NCEH1: variants seen among roughly 807,000 people sequenced by gnomAD.
The protein encoded by NCEH1 is 2-acetyl MAGE hydrolase.
In NCEH1, 9 loss-of-function variants were observed where a neutral mutation model predicts 25.4. The observed-to-expected ratio is 0.35, with a 90% CI of 0.21 to 0.62. NCEH1 has a LOEUF of 0.62. Among genes scored for constraint, NCEH1 ranks in the 20% least tolerant of loss-of-function variants. NCEH1 has a pLI of 0.72. For synonymous variants in NCEH1, 200 were observed against 199.8 expected, an observed-to-expected ratio of 1.00 and a Z score of -0.01; for missense variants, 412 against 501.1, an observed-to-expected ratio of 0.82 and a Z score of 1.70.
chr3:172,711,004 C>T lies in NCEH1; in HGVS notation c.-20G>A. On this transcript the variant is annotated 5_prime_UTR_variant, in exon 1 of 5. Coordinates refer to ENST00000475381, the MANE Select transcript of NCEH1 (RefSeq NM_020792.6). ...CCTCATCTTGCCCTGGCTCGGCTCG[C>T]CAGCGGGCTGGCAAAGAGGAAAGGG... is the stretch of plus-strand genomic sequence containing the variant. 6.2e-7 allele frequency: 1 copy of T among 1,613,860 alleles called. No homozygotes were observed. Among genetic ancestry groups the T allele is most frequent in the Non-Finnish European group, 8.5e-7 (1 of 1,180,000 alleles).
At chr3:172,676,826 T>C (rs914277943) in intron 1 of NCEH1, among the ~76,000 whole-genome samples, 2 of 152,152 alleles carry the variant, frequency 1.3e-5, no homozygotes, top group African/African-American at 4.8e-5. Context: ...TTGCCTTCCA[T>C]ACACACAGGC....
intron 1 of NCEH1, among the ~76,000 whole-genome samples, chr3:172,701,103 C>T (rs750240616): frequency 3.9e-5 from 6 of 152,182 alleles, no homozygotes; most frequent in Non-Finnish European, 7.3e-5. Context: ...TTGCTGACTA[C>T]TCCCAAATCC....
chr3:172,697,688 A>G (rs1027081175), intron 1 of NCEH1, among the ~76,000 whole-genome samples: 17 of 152,152 alleles, frequency 1.1e-4, no homozygotes, highest in African/African-American at 3.4e-4. Context: ...GGAGAAGGGG[A>G]AGACAGAAGA....
At chr3:172,670,949 T>C (rs545344700) in intron 1 of NCEH1, among the ~76,000 whole-genome samples, 2 of 152,336 alleles carry the variant, frequency 1.3e-5, no homozygotes, top group Non-Finnish European at 1.5e-5. Flanking sequence ...GAGAAATGCA[T>C]AGTCATATAA....
At chr3:172,653,455 C>G (rs1473448898) in intron 1 of NCEH1, among the ~76,000 whole-genome samples, 1 of 152,170 alleles carries the variant, frequency 6.6e-6, no homozygotes, top group Non-Finnish European at 1.5e-5. Context: ...GAAAGAGAAT[C>G]ATCTGAAACT....
At chr3:172,672,600 A>G (rs1711701291) in intron 1 of NCEH1, among the ~76,000 whole-genome samples, 1 of 152,210 alleles carries the variant, frequency 6.6e-6, no homozygotes, top group African/African-American at 2.4e-5. Flanking sequence ...ATATTAGAAG[A>G]AAACTACAGA....
chr3:172,645,827 AAAT>A, intron 2 of NCEH1, 135 bp from the exon 3 acceptor site: 1 of 521,278 alleles, frequency 1.9e-6, no homozygotes. Context: ...AAATGTGAAC[AAAT>A]AATAGAGTTA....
At chr3:172,637,509 T>C (rs1278609641) in intron 3 of NCEH1, among the ~76,000 whole-genome samples, 2 of 152,130 alleles carry the variant, frequency 1.3e-5, no homozygotes, top group African/African-American at 4.8e-5. Flanking sequence ...TCCCAGCACT[T>C]TGGGAGGCTG....
At chr3:172,710,745 G>GA in intron 1 of NCEH1, 102 bp downstream of exon 1, 1 of 1,401,022 alleles carries the variant, frequency 7.1e-7, no homozygotes, top group Non-Finnish European at 9.8e-7. Flanking sequence ...AATGCATTAG[G>GA]AAAAACCTGC....
At chr3:172,639,747 C>T (rs1716764283) in intron 3 of NCEH1, among the ~76,000 whole-genome samples, 1 of 152,124 alleles carries the variant, frequency 6.6e-6, no homozygotes, top group Non-Finnish European at 1.5e-5. Context: ...CATGTAACTC[C>T]CATCAGAAGA....
At chr3:172,659,285 G>C (rs1717855176) in intron 1 of NCEH1, among the ~76,000 whole-genome samples, 1 of 135,772 alleles carries the variant, frequency 7.4e-6, no homozygotes, top group African/African-American at 3.3e-5. Context: ...TTATCGGGAG[G>C]CTGAGAGCAA....
At chr3:172,648,152 C>T (rs551918479) in intron 1 of NCEH1, 38 bp from the exon 2 acceptor site, 132 of 1,611,068 alleles carry the variant, frequency 8.2e-5, no homozygotes, top group South Asian at 6.8e-4. Context: ...GGAGGGCGCA[C>T]GTCAACTTGG....
rs1560175885 is a variant in NCEH1 at position 172,633,629 on chromosome 3, GCATACATGATGC to G, written c.1061_1072del (p.Gly354_Tyr357del). ...CACACCGGCACTCTCCAAACGCTTG[GCATACATGATGC>G]CATCGTCTCTGAGGACATCATGCTC... On this transcript the variant is annotated inframe_deletion, in exon 5 of 5. Coordinates refer to ENST00000475381, the MANE Select transcript of NCEH1 (RefSeq NM_020792.6). 6.8e-6 allele frequency: 11 copies of G among 1,614,188 alleles called. No homozygotes were observed. The highest frequency in any genetic ancestry group is 9.3e-6 in the Non-Finnish European group (11 of 1,180,030).
chr3:172,700,982 C>A (rs1713645579), intron 1 of NCEH1, among the ~76,000 whole-genome samples: 1 of 152,064 alleles, frequency 6.6e-6, no homozygotes, highest in Admixed American at 6.5e-5. Flanking sequence ...TCAGGGATAG[C>A]CTCTTTTTCC....
At chr3:172,674,618 A>G (rs1301495591) in intron 1 of NCEH1, among the ~76,000 whole-genome samples, 1 of 152,146 alleles carries the variant, frequency 6.6e-6, no homozygotes, top group Non-Finnish European at 1.5e-5. Flanking sequence ...ATGGGATTGC[A>G]TTTGTAACTT....
At chr3:172,703,411 C>T (rs1713806701) in intron 1 of NCEH1, among the ~76,000 whole-genome samples, 1 of 151,340 alleles carries the variant, frequency 6.6e-6, no homozygotes, top group Non-Finnish European at 1.5e-5. Context: ...GCCTGTAATC[C>T]CAGCTACTCG....
At chr3:172,634,915 C>T (rs970098991) in intron 4 of NCEH1, among the ~76,000 whole-genome samples, 3 of 152,148 alleles carry the variant, frequency 2.0e-5, no homozygotes, top group African/African-American at 7.2e-5. Flanking sequence ...TGACTGCTCT[C>T]CAAAAGCAAG....
chr3:172,653,763 T>TTTTTTTTTTTTGTTTG (rs1717553492), intron 1 of NCEH1, among the ~76,000 whole-genome samples: 1 of 97,854 alleles, frequency 1.0e-5, no homozygotes, highest in Non-Finnish European at 2.0e-5. Flanking sequence ...TTTTTTTGTT[T>TTTTTTTTTTTTGTTTG]TTTTTTTTTT....
chr3:172,658,086 A>T lies in NCEH1; in HGVS notation c.139-9972T>A, dbSNP rs368225795. On this transcript the variant is annotated intron_variant, in intron 1 of 4. Coordinates refer to ENST00000475381, the MANE Select transcript of NCEH1 (RefSeq NM_020792.6). The stretch of plus-strand genomic sequence containing the variant: ...GGTCAGCACAAAACACAGGTCATAG[A>T]GACCTTGCTGATAAAACAGGTTGCA... Among the ~76,000 whole-genome samples the T allele has an allele frequency of 5.3e-5, 8 of 152,310 alleles. No individual in the cohort carries two copies. The South Asian group carries it at 1.2e-3, about 24-fold the overall frequency.
Sources: gnomAD v4.1 joint callset for allele counts (sites outside exome capture counted in the v4.1 genomes callset) on GRCh38, gnomAD v4.1.1 for gene constraint, MANE v1.5 for transcripts, NCBI Gene and HGNC (gene_info 2026-07-23, HGNC 2026-07-21) for gene names.